Variants in PLA2R1 observed in about 807,000 individuals in gnomAD.
The protein encoded by PLA2R1 is secretory phospholipase A2 receptor.
Under a neutral mutation model 195.9 loss-of-function variants are expected in PLA2R1, and 158 were observed. The observed-to-expected ratio is 0.81, with a 90% CI of 0.71 to 0.92. The LOEUF is 0.92. Ranked by LOEUF, PLA2R1 falls within the 40% of genes least tolerant of loss-of-function variation. The pLI is 0.00. For missense variants in PLA2R1, 1,626 were observed against 1,764.6 expected (o/e 0.92, Z 1.41); for synonymous variants, 586 against 598.2 (o/e 0.98, Z 0.30).
At chr2:160,044,311 C>A (rs1375010442) in intron 2 of PLA2R1, among the ~76,000 whole-genome samples, 4 of 152,120 alleles carry the variant, frequency 2.6e-5, no homozygotes, top group Admixed American at 2.0e-4. Flanking sequence ...TGAATGCCAG[C>A]CAGCATCAGG....
intron 14 of PLA2R1, among the ~76,000 whole-genome samples, chr2:159,978,263 A>AT (rs1156601915): frequency 2.0e-5 from 3 of 152,210 alleles, no homozygotes; most frequent in African/African-American, 7.2e-5. Flanking sequence ...GTATTAAAGA[A>AT]TCAACCTTCT....
Position 159,941,461 on chromosome 2 carries a change from T to G in PLA2R1, c.*317A>C, listed in dbSNP as rs1687082750. Reference sequence around the variant, plus strand: ...TCCCCCAAATTTTAGTAGAGATACATTAATGCAAAAACTATTATTCGCATT... The same window carrying G: ...TCCCCCAAATTTTAGTAGAGATACAGTAATGCAAAAACTATTATTCGCATT... On this transcript the variant is annotated 3_prime_UTR_variant, in exon 30 of 30. Coordinates refer to ENST00000283243, the MANE Select transcript of PLA2R1 (RefSeq NM_007366.5). The G allele has an allele frequency of 5.4e-6, 1 of 185,002 alleles. No homozygotes were observed. The highest frequency in any genetic ancestry group is 2.4e-5 in the African/African-American group (1 of 42,340). The allele number at this position is 185,002 out of a possible 1,614,324, so 11.5% of individuals were successfully genotyped here. A position where few individuals can be genotyped will look rare whatever the true frequency, so the allele number is the denominator to read the frequency against.
intron 3 of PLA2R1, among the ~76,000 whole-genome samples, chr2:160,035,802 A>G (rs1374185891): frequency 6.6e-6 from 1 of 152,180 alleles, no homozygotes; most frequent in Admixed American, 6.5e-5. Context: ...TTTCCCACTT[A>G]GTCTCATCCA....
At chr2:160,023,874 A>G (rs1222998034) in intron 6 of PLA2R1, among the ~76,000 whole-genome samples, 1 of 151,914 alleles carries the variant, frequency 6.6e-6, no homozygotes, top group East Asian at 1.9e-4. Context: ...GAGCACAGAA[A>G]CCCTTGCTGC....
At chr2:159,970,636 T>C (rs1298380669) in intron 17 of PLA2R1, among the ~76,000 whole-genome samples, 1 of 152,222 alleles carries the variant, frequency 6.6e-6, no homozygotes, top group Non-Finnish European at 1.5e-5. Context: ...ATCATTAGTA[T>C]AAAGATACTG....
In PLA2R1 at chr2:160,028,316, C is replaced by A. The variant is rs1216439943; in HGVS notation, c.1001G>T (p.Ser334Ile). ...PFVEDHCGTF[S>I]SFMPSAWRSR... ...CCTCCAGGCACTTGGCATAAATGAA[C>A]TAAATGTTCCACAGTGATCTTCAAC... The change falls in exon 6 of 30, where the codon AGT (serine) becomes ATT (isoleucine). Residue 334 changes from serine to isoleucine, a missense_variant. Ser to Ile is a moderately radical substitution (Grantham distance 142). Coordinates refer to ENST00000283243, the MANE Select transcript of PLA2R1 (RefSeq NM_007366.5). The A allele has an allele frequency of 2.5e-6, 4 of 1,608,480 alleles. No individual in the cohort carries two copies. Among genetic ancestry groups the A allele is most frequent in the African/African-American group, 1.3e-5 (1 of 74,798 alleles).
At chr2:160,009,101 C>A (rs952013902) in intron 10 of PLA2R1, among the ~76,000 whole-genome samples, 1 of 152,178 alleles carries the variant, frequency 6.6e-6, no homozygotes, top group Non-Finnish European at 1.5e-5. Context: ...TTATGCACTA[C>A]TGGTGGGAAT....
intron 7 of PLA2R1, among the ~76,000 whole-genome samples, chr2:160,021,911 A>G (rs1317708449): frequency 6.6e-6 from 1 of 152,210 alleles, no homozygotes; most frequent in Non-Finnish European, 1.5e-5. Flanking sequence ...TATGTGGCTG[A>G]AAGAGATGTG....
intron 20 of PLA2R1, 43 bp downstream of exon 20, chr2:159,967,496 C>T (rs748315447): frequency 1.3e-6 from 2 of 1,574,564 alleles, no homozygotes; most frequent in South Asian, 2.3e-5. Context: ...AAATTAGTGT[C>T]TACAAAAGAG....
chr2:160,053,768 G>A (rs993700256), intron 1 of PLA2R1, among the ~76,000 whole-genome samples: 5 of 152,260 alleles, frequency 3.3e-5, no homozygotes, highest in East Asian at 1.9e-4. Flanking sequence ...GGAGGCAGCT[G>A]AGAACCCGTC....
intron 1 of PLA2R1, among the ~76,000 whole-genome samples, chr2:160,053,537 T>A (rs1695347934): frequency 6.6e-6 from 1 of 152,188 alleles, no homozygotes; most frequent in Non-Finnish European, 1.5e-5. Flanking sequence ...GTGCTTAGAA[T>A]ACAGTACCTG....
rs1177860992 is a variant in PLA2R1 at position 159,938,386 on chromosome 2, C to G, written c.*3392G>C. ...AATAAACCTTTGCTGTGTTAATCCACCAAGACTGTGGGATTGTTTGCTATG... is the reference window on the plus strand; with the variant it reads ...AATAAACCTTTGCTGTGTTAATCCAGCAAGACTGTGGGATTGTTTGCTATG... On this transcript the variant is annotated 3_prime_UTR_variant, in exon 30 of 30. Transcript: ENST00000283243. The G allele has an allele frequency of 2.0e-5, 3 of 152,276 alleles. No homozygotes were observed. Among genetic ancestry groups the G allele is most frequent in the African/African-American group, 7.2e-5 (3 of 41,452 alleles). The allele number at this position is 152,276 out of a possible 1,614,324, so 9.4% of individuals were successfully genotyped here. A position where few individuals can be genotyped will look rare whatever the true frequency, so the allele number is the denominator to read the frequency against.
intron 7 of PLA2R1, among the ~76,000 whole-genome samples, chr2:160,020,653 G>A (rs1222728682): frequency 6.6e-6 from 1 of 152,152 alleles, no homozygotes; most frequent in African/African-American, 2.4e-5. Flanking sequence ...AGCACACTCA[G>A]CCCCCTCTCC....
intron 10 of PLA2R1, among the ~76,000 whole-genome samples, chr2:160,009,202 T>C (rs371521880): frequency 6.6e-6 from 1 of 152,240 alleles, no homozygotes; most frequent in East Asian, 1.9e-4. Flanking sequence ...ATTTCACTTA[T>C]AGGCATACAT....
At chr2:160,013,003 A>T (rs535235171) in intron 10 of PLA2R1, among the ~76,000 whole-genome samples, 1 of 152,350 alleles carries the variant, frequency 6.6e-6, no homozygotes, top group South Asian at 2.1e-4. Context: ...ACATCTGAAT[A>T]TATTAGAAAA....
intron 11 of PLA2R1, among the ~76,000 whole-genome samples, chr2:159,990,529 T>G (rs558912913): frequency 6.6e-6 from 1 of 152,336 alleles, no homozygotes; most frequent in South Asian, 2.1e-4. Flanking sequence ...CACTTGAGTC[T>G]GCCTGCTTAT....
Position 159,970,170 on chromosome 2 carries a change from C to G in PLA2R1, c.2638G>C (p.Glu880Gln). 6.2e-7 allele frequency: 1 copy of G among 1,609,034 alleles called. No homozygotes were observed. Among genetic ancestry groups the G allele is most frequent in the Non-Finnish European group, 8.5e-7 (1 of 1,177,038 alleles). ...TACCGAAATTCATCATTGGCTCTTT[C>G]TTCTTGAAGTCCAATCCACCAACTT... ...GASWWIGLQE[E>Q]RANDEFRWRD... The change falls in exon 18 of 30, where the codon GAA (glutamate) becomes CAA (glutamine). Residue 880 changes from glutamate to glutamine, a missense_variant. Glu to Gln is a conservative substitution (Grantham distance 29, BLOSUM62 2). Transcript: ENST00000283243.
At chr2:159,955,560 TA>T (rs1206190540) in intron 22 of PLA2R1, 137 bp downstream of exon 22, 4 of 387,528 alleles carry the variant, frequency 1.0e-5, no homozygotes, top group Admixed American at 4.6e-5. Flanking sequence ...AAAATTACAT[TA>T]AAAATTAATA....
rs980257594 is a variant in PLA2R1, at chr2:159,941,192, A to C, written c.*586T>G. 5 of 152,228 alleles carry C rather than the reference A, an allele frequency of 3.3e-5. No individual in the cohort carries two copies. Among genetic ancestry groups the C allele is most frequent in the Non-Finnish European group, 7.3e-5 (5 of 68,032 alleles). The allele number at this position is 152,228 out of a possible 1,614,324, so 9.4% of individuals were successfully genotyped here. ...TTTAGCTTGAGATGTTAGACCTAAT[A>C]AAAATGAATGTCACCTTAAATATCA... On this transcript the variant is annotated 3_prime_UTR_variant, in exon 30 of 30. Transcript: ENST00000283243.
Sources: gnomAD v4.1 joint callset for allele counts (sites outside exome capture counted in the v4.1 genomes callset) on GRCh38, gnomAD v4.1.1 for gene constraint, MANE v1.5 for transcripts, NCBI Gene and HGNC (gene_info 2026-07-23, HGNC 2026-07-21) for gene names.